The following SSUH2 variants were observed in gnomAD, a reference collection of about 807,000 sequenced individuals.
SSUH2 encodes protein SSUH2 homolog.
Under a neutral mutation model 55.3 loss-of-function variants are expected in SSUH2, and 47 were observed. That is an observed-to-expected ratio of 0.85 (90% CI 0.67 to 1.08). The LOEUF (loss-of-function observed/expected upper bound fraction) is 1.08, where lower values mean the gene tolerates loss of function less well. SSUH2 is among the 50% of genes least tolerant of loss of function. The pLI, the probability that SSUH2 is intolerant of heterozygous loss-of-function variation, is 0.00. For missense variants in SSUH2, 535 were observed against 490.7 expected (o/e 1.09, Z -0.85); for synonymous variants, 212 against 191.5 (o/e 1.11, Z -0.89).
At chr3:8,656,862 GGTTT>G (rs60486079) in intron 7 of SSUH2, among the ~76,000 whole-genome samples, 21,468 of 149,942 alleles carry the variant, frequency 0.14, 1,601 homozygotes, top group South Asian at 0.18. Flanking sequence ...TTCATTTTTT[GGTTT>G]GTTTGTTTGT....
At chr3:8,680,647 C>T (rs1056766362) in intron 1 of SSUH2, among the ~76,000 whole-genome samples, 6 of 152,148 alleles carry the variant, frequency 3.9e-5, no homozygotes, top group South Asian at 2.1e-4. Context: ...CCTCCAGGAT[C>T]GTGGGTACAA....
In SSUH2 at chr3:8,679,429, A is replaced by G. The variant is rs528289913; in HGVS notation, c.-901+276T>C. 9.3e-3 allele frequency among the ~76,000 whole-genome samples: 925 copies of G among 99,716 alleles called. 15 individuals carry two copies. The highest frequency in any genetic ancestry group is 0.028 in the African/African-American group (731 of 26,006). 65.4% of individuals were successfully genotyped at this position (99,716 alleles called of 152,430 possible). A position where few individuals can be genotyped will look rare whatever the true frequency, so the allele number is the denominator to read the frequency against. On this transcript the variant is annotated intron_variant, in intron 2 of 18. Coordinates refer to the SSUH2 transcript ENST00000317371. ...AGCCCCTCTTCCCCCCCTGGCTCTT[A>G]GGACCCCCATCACAGCGGGGGGAGG...
intron 4 of SSUH2, among the ~76,000 whole-genome samples, chr3:8,633,229 C>T (rs374872642): frequency 5.3e-5 from 8 of 151,356 alleles, no homozygotes; most frequent in South Asian, 2.1e-4. Context: ...CCACAACCTC[C>T]GCCTCCCAGT....
intron 7 of SSUH2, among the ~76,000 whole-genome samples, chr3:8,651,197 G>A (rs1372216271): frequency 6.6e-6 from 1 of 152,208 alleles, no homozygotes; most frequent in East Asian, 1.9e-4. Flanking sequence ...AGCCTTCCCA[G>A]GCCACAGGAC....
At chr3:8,662,197 A>T (rs1417841557) in intron 6 of SSUH2, among the ~76,000 whole-genome samples, 2 of 152,250 alleles carry the variant, frequency 1.3e-5, no homozygotes, top group African/African-American at 4.8e-5. Flanking sequence ...ATGCAAAGAT[A>T]ACACAGAACA....
chr3:8,675,536 G>A (rs6792450), intron 3 of SSUH2, among the ~76,000 whole-genome samples: 21,654 of 152,182 alleles, frequency 0.14, 1,716 homozygotes, highest in East Asian at 0.24. Flanking sequence ...CAGATCTGCC[G>A]ACAGCAGGTA....
At position 8,627,717 on chromosome 3, in the gene SSUH2, C is replaced by T. The variant is rs777374175; in HGVS notation, c.655G>A (p.Ala219Thr). 32 of 1,605,926 alleles carry T rather than the reference C, an allele frequency of 2.0e-5. No individual in the cohort carries two copies. Among genetic ancestry groups the T allele is most frequent in the Middle Eastern group, 1.7e-4 (1 of 6,052 alleles). The change falls in exon 8 of 12, where the codon GCG (alanine) becomes ACG (threonine). Residue 219 changes from alanine (A) to threonine (T), a missense_variant. Coordinates refer to ENST00000544814, the MANE Select transcript of SSUH2 (RefSeq NM_001256748.3). ...AKQSRRCQLC[A>T]GSGRRRCSTC... is the part of the protein sequence containing the mutation. ...CCCTACCTTCGCCTGCCGGACCCCG[C>T]GCACAGCTGACATCTCCGGGACTGC...
rs780217380 is a variant in SSUH2, at chr3:8,625,629, C to T, written c.786G>A (p.Glu262=). 1.9e-6 allele frequency: 3 copies of T among 1,613,584 alleles called. No individual in the cohort carries two copies. The highest frequency in any genetic ancestry group is 2.2e-5 in the South Asian group (2 of 91,042). Residue 262 remains glutamate, a synonymous_variant, in exon 10 of 12, where the codon GAG becomes GAA. Coordinates refer to ENST00000544814, the MANE Select transcript of SSUH2 (RefSeq NM_001256748.3). ...LVIMWKNSLF[E]FVSEHRLNCP... ...AGTTGAGCCGGTGCTCAGACACAAA[C>T]TCAAACAAGCTGTTCTTCCTGGAGG...
intron 5 of SSUH2, among the ~76,000 whole-genome samples, chr3:8,666,731 A>G (rs557098738): frequency 2.0e-5 from 3 of 152,332 alleles, no homozygotes; most frequent in Admixed American, 2.0e-4. Context: ...GCATAACGTC[A>G]GATCCCACAG....
At chr3:8,676,765 A>C (rs543382255) in intron 3 of SSUH2, among the ~76,000 whole-genome samples, 2 of 147,934 alleles carry the variant, frequency 1.4e-5, no homozygotes, top group Admixed American at 6.6e-5. Flanking sequence ...TCCCACCTGG[A>C]TCTCAGGACC....
chr3:8,667,520 C>G (rs903150067), intron 5 of SSUH2, among the ~76,000 whole-genome samples: 1 of 152,176 alleles, frequency 6.6e-6, no homozygotes, highest in Non-Finnish European at 1.5e-5. Flanking sequence ...CCAGTCTCAC[C>G]CATTTGATGG....
intron 1 of SSUH2, among the ~76,000 whole-genome samples, chr3:8,636,692 C>G (rs1247683902): frequency 6.6e-6 from 1 of 152,148 alleles, no homozygotes; most frequent in East Asian, 1.9e-4. Flanking sequence ...CCTTCCCTCT[C>G]TCCCTTCACA....
At chr3:8,669,549 C>A (rs947576451) in intron 5 of SSUH2, among the ~76,000 whole-genome samples, 4 of 152,026 alleles carry the variant, frequency 2.6e-5, no homozygotes, top group Non-Finnish European at 5.9e-5. Flanking sequence ...GAACTTTCCC[C>A]AAAATATGTA....
chr3:8,676,976 T>G (rs553460105), intron 3 of SSUH2, among the ~76,000 whole-genome samples: 1 of 142,620 alleles, frequency 7.0e-6, no homozygotes, highest in Non-Finnish European at 1.6e-5. Context: ...AGGCGGGGAC[T>G]GAGAGCCAGT....
At chr3:8,665,271 G>A (rs1163182478) in intron 5 of SSUH2, among the ~76,000 whole-genome samples, 2 of 152,170 alleles carry the variant, frequency 1.3e-5, no homozygotes, top group Admixed American at 6.5e-5. Flanking sequence ...AAGAAAACAG[G>A]GTAGAAGGGG....
At chr3:8,623,475 ACGTTC>A in intron 11 of SSUH2, 69 bp downstream of exon 11, 1 of 929,910 alleles carries the variant, frequency 1.1e-6, no homozygotes, top group East Asian at 2.6e-5. Context: ...TTCCGCTCCG[ACGTTC>A]TCAGGAAAGA....
Position 8,644,785 on chromosome 3 carries a change from T to C in SSUH2, c.-27A>G, listed in dbSNP as rs1457902841. ...TTCCAGACGTCCTGCCAAAGAGATG[T>C]CTGCCCTTCGAGTGTGCTTGGACCG... On this transcript the variant is annotated 5_prime_UTR_variant, in exon 1 of 12. Transcript: ENST00000544814. The C allele has an allele frequency of 3.3e-6, 5 of 1,535,848 alleles. No homozygotes were observed. The highest frequency in any genetic ancestry group is 4.4e-6 in the Non-Finnish European group (5 of 1,146,644).
At chr3:8,630,680 C>A in intron 6 of SSUH2, 125 bp downstream of exon 6, 1 of 890,446 alleles carries the variant, frequency 1.1e-6, no homozygotes, top group African/African-American at 1.7e-5. Flanking sequence ...TTATAACCAA[C>A]AAATGAAGCA....
chr3:8,662,704 A>G (rs1286206554), intron 6 of SSUH2, among the ~76,000 whole-genome samples: 1 of 152,218 alleles, frequency 6.6e-6, no homozygotes, highest in Non-Finnish European at 1.5e-5. Flanking sequence ...ATCAGAGAAC[A>G]TCATTACCTA....
Sources: gnomAD v4.1 joint callset for allele counts (sites outside exome capture counted in the v4.1 genomes callset) on GRCh38, gnomAD v4.1.1 for gene constraint, MANE v1.5 for transcripts, NCBI Gene and HGNC (gene_info 2026-07-23, HGNC 2026-07-21) for gene names.